CPVL: variants seen among roughly 807,000 people sequenced by gnomAD.
The protein encoded by CPVL is carboxypeptidase vitellogenic like, also known as probable serine carboxypeptidase CPVL.
A neutral mutation model predicts 63.7 loss-of-function variants in CPVL; 51 were observed. That is an observed-to-expected ratio of 0.80 (90% CI 0.64 to 1.01). The LOEUF is 1.01. CPVL is among the 50% of genes least tolerant of loss of function. The probability of loss-of-function intolerance (pLI) is 0.00; values close to 1 mark genes in which losing one functional copy is unlikely to be tolerated. For missense variants in CPVL, 530 were observed against 573.1 expected, an observed-to-expected ratio of 0.92 and a Z score of 0.77; for synonymous variants, 195 against 206.0, an observed-to-expected ratio of 0.95 and a Z score of 0.46.
At chr7:29,030,301 T>C (rs1562731228) in intron 12 of CPVL, among the ~76,000 whole-genome samples, 3 of 152,236 alleles carry the variant, frequency 2.0e-5, no homozygotes, top group Non-Finnish European at 1.5e-5. Flanking sequence ...AATTCTCTCA[T>C]TAATGATTTG....
At chr7:29,053,738 A>C (rs756008203) in intron 11 of CPVL, among the ~76,000 whole-genome samples, 2 of 152,122 alleles carry the variant, frequency 1.3e-5, no homozygotes, top group Non-Finnish European at 2.9e-5. Flanking sequence ...ATTCTGTGGT[A>C]TGTAAATTAT....
chr7:29,060,134 C>T (rs1791127746), intron 11 of CPVL, among the ~76,000 whole-genome samples: 1 of 152,054 alleles, frequency 6.6e-6, no homozygotes, highest in South Asian at 2.1e-4. Flanking sequence ...AAGACTTTCA[C>T]AAAATTTGTT....
chr7:29,054,721 G>C (rs912542388), intron 11 of CPVL, among the ~76,000 whole-genome samples: 5 of 151,714 alleles, frequency 3.3e-5, no homozygotes, highest in Admixed American at 6.6e-5. Flanking sequence ...CATTCTTTCT[G>C]TTCTTACCCT....
chr7:29,102,729 G>C (rs1022897024), intron 3 of CPVL, among the ~76,000 whole-genome samples: 1 of 151,832 alleles, frequency 6.6e-6, no homozygotes, highest in African/African-American at 2.4e-5. Context: ...AAGCCCTTTC[G>C]ATTCTTCTGG....
intron 9 of CPVL, among the ~76,000 whole-genome samples, chr7:29,069,713 C>T (rs747338358): frequency 3.1e-4 from 47 of 151,654 alleles, no homozygotes; most frequent in Admixed American, 7.2e-4. Flanking sequence ...ATTTGTGTAT[C>T]CTTCGGCAAT....
chr7:29,195,133 G>C, exon 1 of CPVL: 1 of 815,184 alleles, frequency 1.2e-6, no homozygotes, highest in Non-Finnish European at 1.8e-6. Context: ...GGTGATACTT[G>C]TTTGGTTCGC....
chr7:29,187,093 T>G (rs1359300237), intron 1 of CPVL, among the ~76,000 whole-genome samples: 3 of 152,172 alleles, frequency 2.0e-5, no homozygotes, highest in African/African-American at 7.2e-5. Flanking sequence ...AGAGTGACTT[T>G]TCTATATCAC....
At chr7:29,079,441 A>G (rs538438951) in intron 7 of CPVL, among the ~76,000 whole-genome samples, 1 of 152,194 alleles carries the variant, frequency 6.6e-6, no homozygotes, top group East Asian at 1.9e-4. Flanking sequence ...GGTAAGGCAT[A>G]CCTAACCTCA....
chr7:29,188,486 G>A (rs1798985705), intron 1 of CPVL, among the ~76,000 whole-genome samples: 1 of 151,950 alleles, frequency 6.6e-6, no homozygotes, highest in Non-Finnish European at 1.5e-5. Context: ...CTCAGATATT[G>A]TGTCTGTTAG....
At chr7:29,121,391 C>T (rs898782034) in intron 1 of CPVL, among the ~76,000 whole-genome samples, 1 of 152,032 alleles carries the variant, frequency 6.6e-6, no homozygotes, top group Admixed American at 6.6e-5. Flanking sequence ...GCCTTGACCT[C>T]CTGAGCTCAA....
intron 7 of CPVL, among the ~76,000 whole-genome samples, 184 bp downstream of exon 7, chr7:29,086,300 A>AAT (rs76092553): frequency 9.6e-5 from 12 of 124,784 alleles, no homozygotes; most frequent in African/African-American, 2.6e-4. Flanking sequence ...ACTAAAAAAA[A>AAT]ATATATATAT....
chr7:29,173,344 A>T (rs1236105730), intron 5 of CPVL, among the ~76,000 whole-genome samples: 4 of 152,120 alleles, frequency 2.6e-5, no homozygotes, highest in African/African-American at 9.6e-5. Flanking sequence ...GCAGCCATAT[A>T]ATTTATCCTC....
intron 2 of CPVL, among the ~76,000 whole-genome samples, chr7:29,119,646 T>C (rs539653063): frequency 3.3e-5 from 5 of 152,304 alleles, no homozygotes; most frequent in South Asian, 2.1e-4. Context: ...GAACAACTTA[T>C]AGAGTACAAA....
chr7:29,045,052 T>TA (rs1295967948), intron 11 of CPVL, among the ~76,000 whole-genome samples: 1 of 152,176 alleles, frequency 6.6e-6, no homozygotes, highest in Non-Finnish European at 1.5e-5. Context: ...AAAAACAACT[T>TA]AAACCATCTC....
intron 3 of CPVL, among the ~76,000 whole-genome samples, chr7:29,105,063 A>C (rs1020022536): frequency 1.3e-5 from 2 of 152,234 alleles, no homozygotes; most frequent in Admixed American, 1.3e-4. Flanking sequence ...AGTTTGAAGA[A>C]GACAATTATC....
At chr7:29,086,310 T>C (rs140201735) in intron 7 of CPVL, among the ~76,000 whole-genome samples, 174 bp downstream of exon 7, 2 of 151,930 alleles carry the variant, frequency 1.3e-5, no homozygotes, top group African/African-American at 2.4e-5. Context: ...AATATATATA[T>C]ATATGAAGGG....
intron 3 of CPVL, 102 bp downstream of exon 3, chr7:29,112,602 G>A: frequency 1.4e-6 from 1 of 716,194 alleles, no homozygotes; most frequent in Non-Finnish European, 2.4e-6. Flanking sequence ...AAAAATCTAT[G>A]AGATTTTTTT....
At chr7:29,141,958 G>A (rs999515935) in intron 1 of CPVL, among the ~76,000 whole-genome samples, 2 of 151,832 alleles carry the variant, frequency 1.3e-5, no homozygotes, top group African/African-American at 4.8e-5. Context: ...AGATAGACAA[G>A]TTCATTAAAT....
At chr7:29,059,444 T>C (rs77657516) in intron 11 of CPVL, among the ~76,000 whole-genome samples, 52 of 152,234 alleles carry the variant, frequency 3.4e-4, no homozygotes, top group African/African-American at 1.3e-3. Flanking sequence ...ATGCAAAAAT[T>C]ATCGATAAAA....
Sources: gnomAD v4.1 joint callset for allele counts (sites outside exome capture counted in the v4.1 genomes callset) on GRCh38, gnomAD v4.1.1 for gene constraint, MANE v1.5 for transcripts, NCBI Gene and HGNC (gene_info 2026-07-23, HGNC 2026-07-21) for gene names.